Variants in ADCY2 observed in about 807,000 individuals in gnomAD.
ADCY2 encodes adenylate cyclase 2.
ADCY2 carries 31 observed loss-of-function variants against 125.2 expected under a neutral mutation model. The observed-to-expected ratio is 0.25, with a 90% confidence interval of 0.19 to 0.33. The LOEUF (loss-of-function observed/expected upper bound fraction) is 0.33, where lower values mean the gene tolerates loss of function less well. Ranked by LOEUF, ADCY2 falls within the 10% of genes least tolerant of loss-of-function variation. ADCY2 has a pLI of 1.00. For missense variants in ADCY2, 904 were observed against 1,418.2 expected, an observed-to-expected ratio of 0.64 and a Z score of 5.82; for synonymous variants, 512 against 548.4, an observed-to-expected ratio of 0.93 and a Z score of 0.93.
At chr5:7,729,027 C>A (rs1403853671) in intron 14 of ADCY2, among the ~76,000 whole-genome samples, 1 of 152,182 alleles carries the variant, frequency 6.6e-6, no homozygotes, top group Non-Finnish European at 1.5e-5. Flanking sequence ...TTCATTCTCT[C>A]AAGCTTCATC....
At chr5:7,772,821 C>T (rs1743594640) in intron 17 of ADCY2, 111 bp from the exon 18 acceptor site, 1 of 964,556 alleles carries the variant, frequency 1.0e-6, no homozygotes, top group South Asian at 2.1e-5. Context: ...GTTTTCACAG[C>T]CACCTTATAT....
intron 3 of ADCY2, among the ~76,000 whole-genome samples, chr5:7,618,378 A>G (rs374385833): frequency 2.0e-5 from 3 of 152,200 alleles, no homozygotes; most frequent in Non-Finnish European, 4.4e-5. Context: ...GTAGGTCACA[A>G]TGCCAGTTGA....
intron 4 of ADCY2, among the ~76,000 whole-genome samples, chr5:7,681,206 G>A (rs1383461321): frequency 6.6e-6 from 1 of 152,178 alleles, no homozygotes; most frequent in Non-Finnish European, 1.5e-5. Context: ...GTGAGAATTA[G>A]AACAGTTCTG....
intron 3 of ADCY2, among the ~76,000 whole-genome samples, chr5:7,573,318 A>C (rs1405916187): frequency 6.6e-6 from 1 of 152,172 alleles, no homozygotes; most frequent in African/African-American, 2.4e-5. Flanking sequence ...TGATATAACA[A>C]AGCACATGGT....
chr5:7,620,843 C>A (rs1737929718), intron 3 of ADCY2, among the ~76,000 whole-genome samples: 5 of 151,930 alleles, frequency 3.3e-5, no homozygotes, highest in Admixed American at 3.3e-4. Flanking sequence ...AAGCTGATGA[C>A]CTGTATCAAA....
Position 7,802,548 on chromosome 5 carries a change from A to C in ADCY2, c.2775+184A>C, listed in dbSNP as rs758569200. 1.3e-5 allele frequency among the ~76,000 whole-genome samples: 2 copies of C among 152,232 alleles called. No homozygotes were observed. The highest frequency in any genetic ancestry group is 2.4e-5 in the African/African-American group (1 of 41,468). ...TGACTAATTTAAGGTAGACAAATAC[A>C]TTGTATTTTTGAAGCTGGTATGACT... is the stretch of plus-strand genomic sequence containing the variant. On this transcript the variant is annotated intron_variant, in intron 21 of 24. Coordinates refer to ENST00000338316, the MANE Select transcript of ADCY2 (RefSeq NM_020546.3). This position sits in a 1 kb window ranked among gnomAD's most constrained non-coding sequence, Gnocchi z 4.6.
chr5:7,562,302 T>C (rs572592474), intron 3 of ADCY2, among the ~76,000 whole-genome samples: 11 of 152,020 alleles, frequency 7.2e-5, no homozygotes, highest in Non-Finnish European at 1.6e-4. Flanking sequence ...ATATCCCTGA[T>C]TTTATTTTTT....
intron 1 of ADCY2, among the ~76,000 whole-genome samples, chr5:7,399,751 T>C (rs1739193549): frequency 6.6e-6 from 1 of 152,164 alleles, no homozygotes; most frequent in African/African-American, 2.4e-5. Context: ...TCATGAAAAA[T>C]CTGATTTATA....
intron 3 of ADCY2, among the ~76,000 whole-genome samples, chr5:7,535,617 C>A (rs1734788432): frequency 6.6e-6 from 1 of 152,126 alleles, no homozygotes; most frequent in Non-Finnish European, 1.5e-5. Flanking sequence ...ATGTTATTCT[C>A]TTGTTTTCTT....
chr5:7,735,103 C>A (rs1370266544), intron 14 of ADCY2, among the ~76,000 whole-genome samples: 1 of 152,040 alleles, frequency 6.6e-6, no homozygotes, highest in African/African-American at 2.4e-5. Context: ...GCATTAAGCC[C>A]ATAAGAACTC....
chr5:7,567,504 C>A (rs1735937562), intron 3 of ADCY2, among the ~76,000 whole-genome samples: 1 of 152,012 alleles, frequency 6.6e-6, no homozygotes, highest in African/African-American at 2.4e-5. Context: ...AAACTTTGAT[C>A]TTCTGGCCTT....
At chr5:7,486,444 G>A (rs1742930646) in intron 2 of ADCY2, among the ~76,000 whole-genome samples, 1 of 152,104 alleles carries the variant, frequency 6.6e-6, no homozygotes, top group East Asian at 1.9e-4. Context: ...TGAATTTTAA[G>A]GGCAGTTAAA....
chr5:7,516,557 C>T (rs916362389), intron 2 of ADCY2, among the ~76,000 whole-genome samples: 5 of 152,078 alleles, frequency 3.3e-5, no homozygotes, highest in African/African-American at 1.2e-4. Flanking sequence ...TCCATGGTTG[C>T]CAGGGAGGCA....
intron 3 of ADCY2, among the ~76,000 whole-genome samples, chr5:7,551,825 G>C (rs1231481538): frequency 6.6e-6 from 1 of 152,110 alleles, no homozygotes; most frequent in African/African-American, 2.4e-5. Context: ...TTATTAACTG[G>C]TTGAAAAAGA....
At chr5:7,703,555 G>A (rs2126343349) in intron 7 of ADCY2, among the ~76,000 whole-genome samples, 1 of 152,200 alleles carries the variant, frequency 6.6e-6, no homozygotes, top group East Asian at 1.9e-4. Flanking sequence ...TATTATTTCT[G>A]AGGGCTCTGT....
chr5:7,533,941 G>A (rs1734733972), intron 3 of ADCY2, among the ~76,000 whole-genome samples: 1 of 152,188 alleles, frequency 6.6e-6, no homozygotes, highest in Non-Finnish European at 1.5e-5. Context: ...ATCAGTCCTA[G>A]TGGTTCCCAT....
chr5:7,727,033 A>G (rs2126400567), intron 13 of ADCY2, 131 bp from the exon 14 acceptor site: 1 of 640,518 alleles, frequency 1.6e-6, no homozygotes, highest in South Asian at 2.0e-5. Context: ...CTTTCTCCTT[A>G]GCTCACGTTG....
At chr5:7,602,650 G>A (rs994648986) in intron 3 of ADCY2, among the ~76,000 whole-genome samples, 2 of 152,106 alleles carry the variant, frequency 1.3e-5, no homozygotes, top group Non-Finnish European at 2.9e-5. Context: ...TCTCAGGTTG[G>A]TCTGAATTCC....
At chr5:7,663,435 G>T (rs184014819) in intron 4 of ADCY2, among the ~76,000 whole-genome samples, 23 of 152,356 alleles carry the variant, frequency 1.5e-4, no homozygotes, top group African/African-American at 5.0e-4. Flanking sequence ...CCCACGGGGG[G>T]GCCTGGAGCC....
Sources: allele counts gnomAD v4.1 joint callset (sites outside exome capture counted in the v4.1 genomes callset), GRCh38; gene constraint gnomAD v4.1.1; non-coding constraint Gnocchi (gnomAD v3.1); transcripts MANE v1.5; gene names NCBI Gene and HGNC (gene_info 2026-07-23, HGNC 2026-07-21).